Variants in GBGT1 observed in about 807,000 individuals in gnomAD.
GBGT1 encodes globoside alpha-1,3-N-acetylgalactosaminyltransferase 1 (FORS blood group), also known as globoside alpha-1,3-N-acetylgalactosaminyltransferase 1.
GBGT1 carries 18 observed loss-of-function variants against 20.9 expected under a neutral mutation model. That is an observed-to-expected ratio of 0.86 (90% confidence interval 0.60 to 1.28). The LOEUF (loss-of-function observed/expected upper bound fraction) is 1.28. Ranked by LOEUF, GBGT1 falls within the 50% of genes most tolerant of loss-of-function variation. The pLI, the probability that GBGT1 is intolerant of heterozygous loss-of-function variation, is 0.00. For missense variants in GBGT1, 432 were observed against 455.7 expected (o/e 0.95, Z 0.47); for synonymous variants, 168 against 180.8 (o/e 0.93, Z 0.57).
intron 3 of GBGT1, 143 bp from the exon 4 acceptor site, chr9:133,156,208 A>G (rs1316271577): frequency 4.9e-6 from 4 of 819,610 alleles, no homozygotes; most frequent in Admixed American, 4.2e-5. Context: ...CCACAGCCCC[A>G]CCCGACTCTA....
chr9:133,155,876 C>T (rs1359636720), intron 5 of GBGT1, 25 bp downstream of exon 5: 19 of 1,612,976 alleles, frequency 1.2e-5, no homozygotes, highest in Non-Finnish European at 1.3e-5. Flanking sequence ...CCCCCGCCCC[C>T]ATCAGGCCTC....
intron 3 of GBGT1, among the ~76,000 whole-genome samples, chr9:133,157,404 G>C (rs1832904014): frequency 6.6e-6 from 1 of 152,156 alleles, no homozygotes; most frequent in Admixed American, 6.5e-5. Context: ...AGGTATGTTG[G>C]CCATCTGTCT....
At position 133,154,141 on chromosome 9, in the gene GBGT1, A is replaced by G. The variant is rs1171786563; in HGVS notation, c.480T>C (p.Gly160=). 3 of 1,599,610 alleles carry G rather than the reference A, an allele frequency of 1.9e-6. No individual in the cohort carries two copies. The highest frequency in any genetic ancestry group is 2.6e-6 in the Non-Finnish European group (3 of 1,168,944). The stretch of plus-strand genomic sequence containing the variant: ...GGATGGAGCTGAGAAGCCGGTGGGG[A>G]CCCAGCGGGACCCCGGGAACGGCTG... ...NPAAVPGVPL[G]PHRLLSSIPI... The change falls in exon 7 of 7, where the codon GGT becomes GGC. Residue 160 remains glycine (G), a synonymous_variant. Coordinates refer to ENST00000372040, the MANE Select transcript of GBGT1 (RefSeq NM_021996.6). The surrounding 1 kb of genome is among the most constrained non-coding windows in gnomAD (Gnocchi z 4.2).
chr9:133,162,138 G>A (rs1489401898), intron 2 of GBGT1, among the ~76,000 whole-genome samples: 9 of 145,162 alleles, frequency 6.2e-5, no homozygotes, highest in Admixed American at 6.1e-4. Context: ...CCTGGGTGGG[G>A]ATAGAGACAG....
intron 1 of GBGT1, 55 bp from the exon 2 acceptor site, chr9:133,162,587 G>A: frequency 1.6e-6 from 1 of 621,972 alleles, no homozygotes; most frequent in Non-Finnish European, 2.9e-6. Flanking sequence ...TGTCAACTGG[G>A]CTGGAGTGCA....
In GBGT1 at chr9:133,153,620, CG is replaced by C. The variant is rs765035481; in HGVS notation, c.1000del (p.Arg334AlafsTer12). 1.3e-6 allele frequency: 2 copies of C among 1,589,662 alleles called. No individual in the cohort carries two copies. The highest frequency in any genetic ancestry group is 1.1e-5 in the South Asian group (1 of 87,280). ...GATATCCTTGTCCAGTGTAGAAAAG[CG>C]GATCAGCTTCAGGCTGGGTGGCTGG... ...KPQPPSLKLIRFSTLDKDISC... is the reference protein window; with the variant it reads ...KPQPPSLKLIXFSTLDKDISC... On this transcript the variant is annotated frameshift_variant, in exon 7 of 7. Transcript: ENST00000372040. LOFTEE classifies it high-confidence loss of function.
intron 2 of GBGT1, among the ~76,000 whole-genome samples, chr9:133,161,912 C>A (rs1388016392): frequency 6.6e-6 from 1 of 152,138 alleles, no homozygotes; most frequent in African/African-American, 2.4e-5. Flanking sequence ...GAAGGATGAT[C>A]CAGGCAGAGA....
intron 3 of GBGT1, among the ~76,000 whole-genome samples, chr9:133,156,275 G>A (rs1832867060): frequency 6.6e-6 from 1 of 152,200 alleles, no homozygotes; most frequent in Admixed American, 6.5e-5. Context: ...GAGAGAGTAA[G>A]TGGCAGGGCA....
chr9:133,160,660 T>A (rs1833010524), intron 3 of GBGT1, among the ~76,000 whole-genome samples: 1 of 151,654 alleles, frequency 6.6e-6, no homozygotes, highest in African/African-American at 2.4e-5. Context: ...GAGCAATTGG[T>A]GGTGGGAAAG....
rs184132675 is a variant in GBGT1, at chr9:133,161,412, C to T, written c.137+55G>A. The T allele has an allele frequency of 3.8e-3, 4,196 of 1,117,106 alleles. 10 individuals are homozygous for T. The highest frequency in any genetic ancestry group is 4.8e-3 in the Middle Eastern group (21 of 4,392). The allele number at this position is 1,117,106 out of a possible 1,614,324, so 69.2% of individuals were successfully genotyped here. A position where few individuals can be genotyped will look rare whatever the true frequency, so the allele number is the denominator to read the frequency against. On this transcript the variant is annotated intron_variant, in intron 3 of 6. Coordinates refer to ENST00000372040, the MANE Select transcript of GBGT1 (RefSeq NM_021996.6). ...TGAACTTAAATACTCTCCTGTCTCC[C>T]CAACTGTGAGCAGCCCTCAGGGCCC...
intron 3 of GBGT1, chr9:133,160,182 G>A: frequency 2.9e-6 from 1 of 339,602 alleles, no homozygotes; most frequent in South Asian, 2.1e-5. Flanking sequence ...AGGTGGCTGA[G>A]GCATGACAAT....
intron 3 of GBGT1, among the ~76,000 whole-genome samples, chr9:133,156,971 T>C (rs1420775669): frequency 1.3e-5 from 2 of 152,136 alleles, no homozygotes; most frequent in South Asian, 2.1e-4. Context: ...ACCGATCCAA[T>C]TGGTTGAAAG....
rs1832860238 is a variant in GBGT1, at chr9:133,156,021, ACGGGCTG to A, written c.175_181del (p.Gln59TrpfsTer20). The A allele has an allele frequency of 6.2e-7, 1 of 1,613,618 alleles. No individual in the cohort carries two copies. Among genetic ancestry groups the A allele is most frequent in the South Asian group, 1.1e-5 (1 of 91,082 alleles). On this transcript the variant is annotated frameshift_variant, in exon 4 of 7. Transcript: ENST00000372040. LOFTEE classifies it high-confidence loss of function. ...GAAATGCCAGTCTCCTTACCATACC[ACGGGCTG>A]GAGTGGCTTCTCCCTCTTGTAGTGC...
Position 133,154,262 on chromosome 9 carries a change from C to T in GBGT1, c.360-1G>A. 6.6e-7 allele frequency: 1 copy of T among 1,509,902 alleles called. No individual in the cohort carries two copies. Among genetic ancestry groups the T allele is most frequent in the South Asian group, 1.3e-5 (1 of 76,404 alleles). 93.5% of individuals were successfully genotyped at this position (1,509,902 alleles called of 1,614,324 possible). ...GAAGGACTGGATGAAATGAGTGTACCTAGTGATGATCACCCGGTCACCCAC... is the reference window on the plus strand; with the variant it reads ...GAAGGACTGGATGAAATGAGTGTACTTAGTGATGATCACCCGGTCACCCAC... On this transcript the variant is annotated splice_acceptor_variant, in intron 6 of 6. Transcript: ENST00000372040. LOFTEE classifies it high-confidence loss of function. The surrounding 1 kb of genome is among the most constrained non-coding windows in gnomAD (Gnocchi z 4.2).
chr9:133,160,817 C>T (rs1029561408), intron 3 of GBGT1, among the ~76,000 whole-genome samples: 3 of 152,022 alleles, frequency 2.0e-5, no homozygotes, highest in Non-Finnish European at 4.4e-5. Context: ...TGAGACCAGC[C>T]TGGCCAACAT....
At position 133,157,221 on chromosome 9, in the gene GBGT1, C is replaced by T. The variant is rs78575780; in HGVS notation, c.138-1156G>A. ...ATGGCTTGAGCCCAGGAGGTGGAGG[C>T]TGTAGTGAGCTGTAATCACACTACT... On this transcript the variant is annotated intron_variant, in intron 3 of 6. Transcript: ENST00000372040. 2.0e-3 allele frequency among the ~76,000 whole-genome samples: 297 copies of T among 149,930 alleles called. 1 individual carries two copies. The highest frequency in any genetic ancestry group is 6.9e-3 in the African/African-American group (281 of 40,564).
chr9:133,161,939 G>T (rs901242922), intron 2 of GBGT1, among the ~76,000 whole-genome samples: 4 of 152,166 alleles, frequency 2.6e-5, no homozygotes, highest in Non-Finnish European at 5.9e-5. Context: ...CAAGTCAAAG[G>T]CCAGGAGGCC....
intron 3 of GBGT1, chr9:133,161,183 C>T: frequency 7.0e-6 from 3 of 426,810 alleles, no homozygotes; most frequent in Non-Finnish European, 1.2e-5. Context: ...CATCTTTGCA[C>T]TCTGTGTTCT....
intron 3 of GBGT1, 23 bp from the exon 4 acceptor site, chr9:133,156,088 G>A (rs778789902): frequency 2.5e-6 from 4 of 1,613,328 alleles, no homozygotes; most frequent in Admixed American, 1.7e-5. Context: ...GCAAGAAAGA[G>A]CCATCATCAT....
Sources: gnomAD v4.1 joint callset for allele counts (sites outside exome capture counted in the v4.1 genomes callset) on GRCh38, gnomAD v4.1.1 for gene constraint, Gnocchi (gnomAD v3.1) non-coding constraint, MANE v1.5 for transcripts, NCBI Gene and HGNC (gene_info 2026-07-23, HGNC 2026-07-21) for gene names.